The following MED12L variants were observed in gnomAD, a reference collection of about 807,000 sequenced individuals.
MED12L encodes the protein mediator of RNA polymerase II transcription subunit 12-like protein.
Under a neutral mutation model 281.3 loss-of-function variants are expected in MED12L, and 60 were observed. The observed-to-expected ratio is 0.21, with a 90% confidence interval of 0.17 to 0.26. The LOEUF is 0.26. Ranked by LOEUF, MED12L falls within the 10% of genes least tolerant of loss-of-function variation. The pLI is 1.00. For synonymous variants in MED12L, 974 were observed against 987.2 expected (o/e 0.99, Z 0.25); for missense variants, 2,146 against 2,680.9 (o/e 0.80, Z 4.41).
At chr3:151,294,245 C>G in intron 16 of MED12L, 1 of 1,613,842 alleles carries the variant, frequency 6.2e-7, no homozygotes. Flanking sequence ...GCTTTCACTC[C>G]TGGTTCTGAT....
At chr3:151,141,187 G>GTTTTTTTGTTTTTTTTTTTTTTTT (rs376743895) in intron 5 of MED12L, among the ~76,000 whole-genome samples, 2 of 99,106 alleles carry the variant, frequency 2.0e-5, no homozygotes, top group African/African-American at 4.8e-5. Flanking sequence ...TGTTTTTTTT[G>GTTTTTTTGTTTTTTTTTTTTTTTT]TTTTTTTTTT....
intron 16 of MED12L, among the ~76,000 whole-genome samples, chr3:151,266,682 G>T (rs556208107): frequency 1.1e-3 from 169 of 152,306 alleles, no homozygotes; most frequent in Non-Finnish European, 1.2e-3. Flanking sequence ...TCAGTGGAAA[G>T]GAACTCCAGC....
chr3:151,106,797 T>G (rs1197752631), intron 2 of MED12L, among the ~76,000 whole-genome samples: 1 of 152,256 alleles, frequency 6.6e-6, no homozygotes, highest in African/African-American at 2.4e-5. Context: ...CTTTTTGTCT[T>G]GAAGTCTACT....
At chr3:151,330,443 C>G (rs999073655) in intron 16 of MED12L, among the ~76,000 whole-genome samples, 2 of 152,110 alleles carry the variant, frequency 1.3e-5, no homozygotes, top group African/African-American at 4.8e-5. Flanking sequence ...TAATTCTCTT[C>G]AAGTTTGAAA....
At position 151,365,214 on chromosome 3, in the gene MED12L, G is replaced by C; in HGVS notation, c.3185+8G>C. 6.2e-7 allele frequency: 1 copy of C among 1,605,918 alleles called. No individual in the cohort carries two copies. Among genetic ancestry groups the C allele is most frequent in the Non-Finnish European group, 8.5e-7 (1 of 1,172,822 alleles). On this transcript the variant is annotated splice_region_variant and intron_variant, in intron 22 of 44. Transcript: ENST00000687756. ...CCATCAGGATGCTGGCAGGTGAGAT[G>C]GGTTACCCTGGAATTCATGATTAAC...
chr3:151,409,384 G>T (rs749336778), intron 40 of MED12L, 52 bp downstream of exon 40: 1 of 1,535,316 alleles, frequency 6.5e-7, no homozygotes, highest in Non-Finnish European at 9.0e-7. Flanking sequence ...GCTCTTTATT[G>T]GAGGTGGGAA....
At chr3:151,237,355 T>C (rs1379215632) in intron 16 of MED12L, among the ~76,000 whole-genome samples, 1 of 128,838 alleles carries the variant, frequency 7.8e-6, no homozygotes, top group Non-Finnish European at 1.6e-5. Flanking sequence ...TTTTTCTTTT[T>C]TTTTTTTTTT....
intron 16 of MED12L, among the ~76,000 whole-genome samples, chr3:151,281,367 G>A (rs1055004003): frequency 8.6e-5 from 13 of 151,526 alleles, no homozygotes; most frequent in East Asian, 3.9e-4. Flanking sequence ...CTGAGATTGC[G>A]CCACTGTACT....
chr3:151,192,854 G>A (rs1035169532), intron 15 of MED12L, among the ~76,000 whole-genome samples, 200 bp downstream of exon 15: 2 of 152,016 alleles, frequency 1.3e-5, no homozygotes, highest in Non-Finnish European at 2.9e-5. Flanking sequence ...CTGTAAATTG[G>A]AACACTCCTG....
chr3:151,192,772 C>T (rs1298502128), intron 15 of MED12L, 118 bp downstream of exon 15: 6 of 705,848 alleles, frequency 8.5e-6, no homozygotes, highest in Non-Finnish European at 1.5e-5. Context: ...GTAATCTTGC[C>T]ATATTCTTCC....
Position 151,122,865 on chromosome 3 carries a change from T to C in MED12L, c.287T>C (p.Val96Ala). The C allele has an allele frequency of 6.2e-7, 1 of 1,612,784 alleles. No individual in the cohort carries two copies. Among genetic ancestry groups the C allele is most frequent in the Non-Finnish European group, 8.5e-7 (1 of 1,179,360 alleles). The stretch of plus-strand genomic sequence containing the variant: ...GACACGGGAAAGAAGAAACCACAAG[T>C]TAATGCTAAAGATAATTATTGGCTG... ...FQDTGKKKPQ[V>A]NAKDNYWLVT... Residue 96 changes from valine (V) to alanine (A), a missense_variant, in exon 4 of 45, where the codon GTT (valine) becomes GCT (alanine). By Grantham distance (64) the Val-to-Ala change is moderately conservative. Transcript: ENST00000687756.
intron 5 of MED12L, among the ~76,000 whole-genome samples, chr3:151,149,746 C>T (rs536884096): frequency 3.3e-5 from 5 of 152,322 alleles, no homozygotes; most frequent in Middle Eastern, 3.4e-3. Context: ...GTTTCATCAA[C>T]GAAGTTTATG....
chr3:151,265,648 T>G (rs759236685), intron 16 of MED12L, among the ~76,000 whole-genome samples: 2 of 152,202 alleles, frequency 1.3e-5, no homozygotes, highest in Non-Finnish European at 2.9e-5. Flanking sequence ...CGGAGGAATC[T>G]GAGTAGGTTT....
intron 16 of MED12L, among the ~76,000 whole-genome samples, chr3:151,266,508 T>G (rs1485769019): frequency 6.6e-6 from 1 of 152,252 alleles, no homozygotes; most frequent in African/African-American, 2.4e-5. Flanking sequence ...TGTATAATAG[T>G]GCAGTCCTTT....
At chr3:151,328,428 T>G in intron 16 of MED12L, 1 of 1,613,652 alleles carries the variant, frequency 6.2e-7, no homozygotes, top group Non-Finnish European at 8.5e-7. Flanking sequence ...CATATGTTAT[T>G]TACCATTTGA....
intron 36 of MED12L, among the ~76,000 whole-genome samples, chr3:151,387,041 A>G (rs1713506616): frequency 1.3e-5 from 2 of 152,206 alleles, no homozygotes; most frequent in Non-Finnish European, 2.9e-5. Flanking sequence ...GCTACTCATA[A>G]AAGAATGCAT....
chr3:151,410,819 A>C (rs371485106), intron 40 of MED12L, among the ~76,000 whole-genome samples: 81 of 152,356 alleles, frequency 5.3e-4, no homozygotes, highest in African/African-American at 1.9e-3. Context: ...AGGTGTAGTC[A>C]CATACTGGAA....
chr3:151,092,354 C>G (rs935781182), intron 2 of MED12L, among the ~76,000 whole-genome samples: 1 of 152,230 alleles, frequency 6.6e-6, no homozygotes, highest in Non-Finnish European at 1.5e-5. Flanking sequence ...TCTCCATGGC[C>G]TGCCTTCCAG....
intron 16 of MED12L, among the ~76,000 whole-genome samples, chr3:151,274,144 C>T (rs1278521156): frequency 2.6e-5 from 4 of 152,190 alleles, no homozygotes; most frequent in Non-Finnish European, 5.9e-5. Flanking sequence ...AAAGGCCTCG[C>T]TGCCACAAAA....
Sources: gnomAD v4.1 joint callset for allele counts (sites outside exome capture counted in the v4.1 genomes callset) on GRCh38, gnomAD v4.1.1 for gene constraint, MANE v1.5 for transcripts, NCBI Gene and HGNC (gene_info 2026-07-23, HGNC 2026-07-21) for gene names.